Variants in SEMA3A observed in about 807,000 individuals in gnomAD.
The protein encoded by SEMA3A is semaphorin-3A.
A neutral mutation model predicts 97.9 loss-of-function variants in SEMA3A; 29 were observed. The observed-to-expected ratio is 0.30, with a 90% confidence interval of 0.22 to 0.40. SEMA3A has a LOEUF of 0.40. Ranked by LOEUF, SEMA3A falls within the 10% of genes least tolerant of loss-of-function variation. The pLI is 1.00. For synonymous variants in SEMA3A, 321 were observed against 323.7 expected, an observed-to-expected ratio of 0.99 and a Z score of 0.09; for missense variants, 763 against 951.3, an observed-to-expected ratio of 0.80 and a Z score of 2.60.
chr7:84,031,273 G>A (rs1206556394), intron 6 of SEMA3A, among the ~76,000 whole-genome samples: 1 of 151,950 alleles, frequency 6.6e-6, no homozygotes, highest in East Asian at 1.9e-4. Context: ...TTACAGGTGT[G>A]AGCCACCGTA....
chr7:84,291,701 G>A (rs920647695), intron 3 of SEMA3A, among the ~76,000 whole-genome samples: 3 of 152,042 alleles, frequency 2.0e-5, no homozygotes, highest in Non-Finnish European at 4.4e-5. Flanking sequence ...TTTTCTCCCC[G>A]TAAGTTGTTT....
At chr7:84,078,036 A>G (rs1201826244) in intron 4 of SEMA3A, among the ~76,000 whole-genome samples, 1 of 152,112 alleles carries the variant, frequency 6.6e-6, no homozygotes, top group Non-Finnish European at 1.5e-5. Flanking sequence ...ACAACTATTT[A>G]AGATGTGTGG....
intron 4 of SEMA3A, among the ~76,000 whole-genome samples, chr7:84,063,644 C>A (rs1408920594): frequency 2.0e-5 from 3 of 151,268 alleles, no homozygotes; most frequent in East Asian, 3.9e-4. Flanking sequence ...GGAGACGATG[C>A]GATCAACTGG....
Position 84,334,298 on chromosome 7 carries a change from T to C in SEMA3A, c.-168-27006A>G, listed in dbSNP as rs563138786. Among the ~76,000 whole-genome samples the C allele has an allele frequency of 6.6e-5, 10 of 152,188 alleles. No individual in the cohort carries two copies. The South Asian group carries it at 2.1e-3, about 32-fold the overall frequency. Reference sequence around the variant, plus strand: ...TGAAGATTTCAGAGTAATGAAAATATTTTTATAATTAACTTCTAAAGTTAA... The same window carrying C: ...TGAAGATTTCAGAGTAATGAAAATACTTTTATAATTAACTTCTAAAGTTAA... On this transcript the variant is annotated intron_variant, in intron 2 of 3. Coordinates refer to the SEMA3A transcript ENST00000424555.
At chr7:84,447,591 G>T (rs1219808057) in intron 1 of SEMA3A, among the ~76,000 whole-genome samples, 1 of 152,086 alleles carries the variant, frequency 6.6e-6, no homozygotes, top group Non-Finnish European at 1.5e-5. Flanking sequence ...GGGGTTTCCT[G>T]GACTCATTGG....
chr7:84,057,751 G>GATAA (rs71297135), intron 5 of SEMA3A, among the ~76,000 whole-genome samples: 68,519 of 142,464 alleles, frequency 0.48, 16,768 homozygotes, highest in Admixed American at 0.57. Context: ...GACAGAGCAA[G>GATAA]ATAAATAAAT....
rs190281796 is a variant in SEMA3A at position 84,439,561 on chromosome 7, A to C, written c.-246+52899T>G. ...AATTTCTGGATTATGTCTGATATTA[A>C]AACAAATCCATATAAATAGATGTTT... On this transcript the variant is annotated intron_variant, in intron 1 of 3. Coordinates refer to the SEMA3A transcript ENST00000424555. Among the ~76,000 whole-genome samples, 7 of 152,318 alleles carry C rather than the reference A, an allele frequency of 4.6e-5. No individual in the cohort carries two copies. The South Asian group carries it at 1.0e-3, about 23-fold the overall frequency.
At chr7:84,065,706 C>G (rs1045900576) in intron 4 of SEMA3A, among the ~76,000 whole-genome samples, 2 of 152,058 alleles carry the variant, frequency 1.3e-5, no homozygotes, top group Non-Finnish European at 2.9e-5. Context: ...TACACTCTCC[C>G]AAGACTAAAC....
At chr7:84,347,882 T>A (rs1802340175) in intron 2 of SEMA3A, among the ~76,000 whole-genome samples, 1 of 152,182 alleles carries the variant, frequency 6.6e-6, no homozygotes, top group Admixed American at 6.5e-5. Flanking sequence ...ATAAGGCAAC[T>A]TTCAGAGTGA....
At chr7:84,341,557 C>G (rs1802167789) in intron 2 of SEMA3A, among the ~76,000 whole-genome samples, 1 of 151,838 alleles carries the variant, frequency 6.6e-6, no homozygotes, top group African/African-American at 2.4e-5. Flanking sequence ...CTTTTCCATC[C>G]CACATTCATT....
intron 15 of SEMA3A, among the ~76,000 whole-genome samples, chr7:83,975,458 A>C (rs1296797773): frequency 6.6e-6 from 1 of 152,192 alleles, no homozygotes; most frequent in African/African-American, 2.4e-5. Flanking sequence ...TGTATGACAT[A>C]AGGTATTTTT....
At chr7:84,424,075 C>T (rs2116288155) in intron 1 of SEMA3A, among the ~76,000 whole-genome samples, 1 of 151,552 alleles carries the variant, frequency 6.6e-6, no homozygotes, top group African/African-American at 2.4e-5. Flanking sequence ...CTATGGAAAA[C>T]AGTATGAAAG....
intron 1 of SEMA3A, among the ~76,000 whole-genome samples, chr7:84,164,036 G>A (rs1797129967): frequency 6.6e-6 from 1 of 151,810 alleles, no homozygotes; most frequent in Non-Finnish European, 1.5e-5. Context: ...GTAGAGACAG[G>A]GTTTCTCCAT....
chr7:84,441,218 G>A lies in SEMA3A; in HGVS notation c.-246+51242C>T, dbSNP rs376157327. Among the ~76,000 whole-genome samples, 10 of 151,516 alleles carry A rather than the reference G, an allele frequency of 6.6e-5. 2 individuals are homozygous for A. The highest frequency in any genetic ancestry group is 6.6e-5 in the Admixed American group (1 of 15,222). On this transcript the variant is annotated intron_variant, in intron 1 of 3. Transcript: ENST00000424555. ...AAAAAACAGAAACTGACCCTGAAAA[G>A]ATCTTATAACAGACCTACTAGACAC...
At chr7:84,390,325 G>A (rs1584285084) in intron 1 of SEMA3A, among the ~76,000 whole-genome samples, 2 of 124,128 alleles carry the variant, frequency 1.6e-5, no homozygotes, top group Admixed American at 8.9e-5. Context: ...AAAAGCTTGT[G>A]ATATTCAAGA....
At chr7:83,964,897 C>T (rs1332141826) in intron 15 of SEMA3A, among the ~76,000 whole-genome samples, 1 of 151,914 alleles carries the variant, frequency 6.6e-6, no homozygotes, top group Non-Finnish European at 1.5e-5. Context: ...GAATTGAATG[C>T]ATATGGAACA....
rs1253811578 is a variant in SEMA3A, at chr7:84,465,850, A to G, written c.-246+26610T>C. Reference sequence around the variant, plus strand: ...TTGGAGGGTATTAAATAGCTTCCTGAAGAACTTCTTGCCTCTAATTTCCTC... The same window carrying G: ...TTGGAGGGTATTAAATAGCTTCCTGGAGAACTTCTTGCCTCTAATTTCCTC... On this transcript the variant is annotated intron_variant, in intron 1 of 3. Coordinates refer to the SEMA3A transcript ENST00000424555. 3.9e-5 allele frequency among the ~76,000 whole-genome samples: 6 copies of G among 152,112 alleles called. 1 individual carries two copies. The highest frequency in any genetic ancestry group is 1.4e-4 in the African/African-American group (6 of 41,396).
chr7:84,318,415 C>T (rs28586568), intron 2 of SEMA3A, among the ~76,000 whole-genome samples: 2,671 of 148,748 alleles, frequency 0.018, 84 homozygotes, highest in African/African-American at 0.063. Flanking sequence ...CTCCGCCTCC[C>T]GGGTTCACGC....
rs1028117625 is a variant in SEMA3A, at chr7:83,955,917, A to C, written c.*5454T>G. ...ATAAAAACTTTTGCTTAGGTCCTAT[A>C]TAAATAAACATTGTATATACAAGTA... On this transcript the variant is annotated 3_prime_UTR_variant, in exon 17 of 17. Transcript: ENST00000265362. The C allele has an allele frequency of 6.6e-6, 1 of 152,176 alleles. No individual in the cohort carries two copies. Among genetic ancestry groups the C allele is most frequent in the Non-Finnish European group, 1.5e-5 (1 of 68,018 alleles). 9.4% of individuals were successfully genotyped at this position (152,176 alleles called of 1,614,324 possible).
Sources: gnomAD v4.1 joint callset for allele counts (sites outside exome capture counted in the v4.1 genomes callset) on GRCh38, gnomAD v4.1.1 for gene constraint, MANE v1.5 for transcripts, NCBI Gene and HGNC (gene_info 2026-07-23, HGNC 2026-07-21) for gene names.